ITGB6: variants seen among roughly 807,000 people sequenced by gnomAD.
ITGB6 encodes integrin subunit beta 6.
Under a neutral mutation model 84.5 loss-of-function variants are expected in ITGB6, and 80 were observed. That is an observed-to-expected ratio of 0.95 (90% CI 0.79 to 1.14). ITGB6 has a LOEUF of 1.14. Ranked by LOEUF, ITGB6 falls within the 50% of genes most tolerant of loss-of-function variation. ITGB6 has a pLI of 0.00. For synonymous variants in ITGB6, 383 were observed against 354.9 expected, an observed-to-expected ratio of 1.08 and a Z score of -0.89; for missense variants, 1,006 against 968.0, an observed-to-expected ratio of 1.04 and a Z score of -0.52.
Position 160,159,589 on chromosome 2 carries a change from G to A in ITGB6, c.1017+9623C>T, listed in dbSNP as rs867594408. Among the ~76,000 whole-genome samples the A allele has an allele frequency of 3.3e-4, 50 of 152,016 alleles. 1 individual carries two copies. Among genetic ancestry groups the A allele is most frequent in the Non-Finnish European group, 1.9e-4 (13 of 67,972 alleles). ...GGTCTGGTTTCTGCCTACCTCTCCCGCTCCATCTCCTTCTACCCCTACTCA... is the reference window on the plus strand; with the variant it reads ...GGTCTGGTTTCTGCCTACCTCTCCCACTCCATCTCCTTCTACCCCTACTCA... On this transcript the variant is annotated intron_variant, in intron 7 of 14. Coordinates refer to ENST00000283249, the MANE Select transcript of ITGB6 (RefSeq NM_000888.5).
At chr2:160,172,753 G>C in intron 5 of ITGB6, 23 bp from the exon 6 acceptor site, 1 of 1,576,764 alleles carries the variant, frequency 6.3e-7, no homozygotes, top group Non-Finnish European at 8.7e-7. Flanking sequence ...AGAAACATTT[G>C]TGTGATATTG....
intron 8 of ITGB6, among the ~76,000 whole-genome samples, chr2:160,138,801 C>G (rs1479199704): frequency 1.3e-5 from 2 of 152,182 alleles, no homozygotes; most frequent in Non-Finnish European, 2.9e-5. Flanking sequence ...CTTTTCATCT[C>G]AATATCAAAT....
chr2:160,190,589 C>A (rs1317766686), intron 4 of ITGB6, among the ~76,000 whole-genome samples: 1 of 152,152 alleles, frequency 6.6e-6, no homozygotes, highest in Non-Finnish European at 1.5e-5. Flanking sequence ...TCTTTTTCTT[C>A]CAAATATACT....
At chr2:160,127,123 C>T (rs930064306) in intron 10 of ITGB6, among the ~76,000 whole-genome samples, 8 of 152,130 alleles carry the variant, frequency 5.3e-5, no homozygotes, top group Non-Finnish European at 8.8e-5. Context: ...AAGTATTTTA[C>T]CCCAAAATAT....
intron 10 of ITGB6, among the ~76,000 whole-genome samples, chr2:160,131,898 A>G (rs1683483768): frequency 6.6e-6 from 1 of 152,194 alleles, no homozygotes. Flanking sequence ...ATGGTAAAAA[A>G]TAAAGCGAAA....
chr2:160,146,582 C>T (rs928801109), intron 7 of ITGB6, among the ~76,000 whole-genome samples: 18 of 152,112 alleles, frequency 1.2e-4, no homozygotes, highest in African/African-American at 4.3e-4. Flanking sequence ...ATAATCTGCT[C>T]ACAAATTTCT....
intron 4 of ITGB6, among the ~76,000 whole-genome samples, chr2:160,178,633 T>C (rs569801113): frequency 1.3e-5 from 2 of 151,892 alleles, no homozygotes; most frequent in Non-Finnish European, 2.9e-5. Flanking sequence ...ATATTGCCCA[T>C]GTTTTGATCA....
intron 7 of ITGB6, among the ~76,000 whole-genome samples, chr2:160,159,695 G>A (rs76311374): frequency 1.8e-3 from 281 of 152,008 alleles, no homozygotes; most frequent in African/African-American, 6.0e-3. Context: ...CTTTGCACAC[G>A]CCTTTGCCTC....
chr2:160,126,497 C>A lies in ITGB6; in HGVS notation c.1765G>T (p.Val589Leu). The change falls in exon 11 of 15, where the codon GTG (valine) becomes TTG (leucine). Residue 589 changes from valine (V) to leucine (L), a missense_variant. Val to Leu is a conservative substitution (Grantham distance 32, BLOSUM62 1). Coordinates refer to ENST00000283249, the MANE Select transcript of ITGB6 (RefSeq NM_000888.5). ...CAGTCCCCGCGCCCGCTGCAGAGCA[C>A]TCCATCTTCAGAGACGCAGGAGTCC... ...STDSCVSEDG[V>L]LCSGRGDCVC... The A allele has an allele frequency of 6.2e-7, 1 of 1,614,234 alleles. No homozygotes were observed. The highest frequency in any genetic ancestry group is 8.5e-7 in the Non-Finnish European group (1 of 1,180,040).
At chr2:160,158,123 T>C (rs2105848447) in intron 7 of ITGB6, among the ~76,000 whole-genome samples, 1 of 152,196 alleles carries the variant, frequency 6.6e-6, no homozygotes. Context: ...GCATGATATC[T>C]GCTTTGCCTT....
chr2:160,128,120 C>A lies in ITGB6; in HGVS notation c.1661-1519G>T, dbSNP rs185969493. On this transcript the variant is annotated intron_variant, in intron 10 of 14. Transcript: ENST00000283249. ...GATATAAAATTAAATAAGACAAGGT[C>A]ATTGAACTTATAATTTAGTATAGGA... Among the ~76,000 whole-genome samples the A allele has an allele frequency of 4.6e-4, 70 of 152,204 alleles. No individual in the cohort carries two copies. The Middle Eastern group carries it at 0.027, about 59-fold the overall frequency.
intron 2 of ITGB6, among the ~76,000 whole-genome samples, chr2:160,198,875 A>G (rs1429451374): frequency 6.6e-6 from 1 of 152,232 alleles, no homozygotes; most frequent in African/African-American, 2.4e-5. Context: ...GACAGCCTCC[A>G]TATTTTACAT....
At chr2:160,169,860 C>T (rs995474983) in intron 6 of ITGB6, among the ~76,000 whole-genome samples, 1 of 152,156 alleles carries the variant, frequency 6.6e-6, no homozygotes. Context: ...AAGTTGGTTG[C>T]ATGGAATCGT....
intron 4 of ITGB6, among the ~76,000 whole-genome samples, chr2:160,187,524 T>A (rs1041953824): frequency 1.3e-5 from 2 of 152,190 alleles, no homozygotes; most frequent in African/African-American, 4.8e-5. Flanking sequence ...TCCAACTATA[T>A]GTTTACATGA....
At chr2:160,140,991 C>T (rs1298766522) in intron 8 of ITGB6, among the ~76,000 whole-genome samples, 2 of 151,956 alleles carry the variant, frequency 1.3e-5, no homozygotes, top group African/African-American at 4.8e-5. Flanking sequence ...AAAAACTTTC[C>T]GTGTTGATTC....
At chr2:160,174,269 G>A in intron 4 of ITGB6, 130 bp from the exon 5 acceptor site, 1 of 658,160 alleles carries the variant, frequency 1.5e-6, no homozygotes, top group Non-Finnish European at 2.5e-6. Context: ...CTGCAACTCA[G>A]CTATGAATCT....
intron 10 of ITGB6, among the ~76,000 whole-genome samples, chr2:160,131,336 G>A (rs962841612): frequency 6.6e-6 from 1 of 152,160 alleles, no homozygotes; most frequent in African/African-American, 2.4e-5. Context: ...ATCTTTGAGT[G>A]CTTACAGATG....
At chr2:160,177,479 G>T (rs909172348) in intron 4 of ITGB6, among the ~76,000 whole-genome samples, 4 of 151,840 alleles carry the variant, frequency 2.6e-5, no homozygotes, top group Non-Finnish European at 4.4e-5. Context: ...GCTGAGTCAG[G>T]AGAATGGCGT....
intron 7 of ITGB6, among the ~76,000 whole-genome samples, chr2:160,157,328 A>G (rs1684660532): frequency 6.6e-6 from 1 of 152,194 alleles, no homozygotes; most frequent in African/African-American, 2.4e-5. Flanking sequence ...GATTCAAACC[A>G]TAACACTGCA....
Sources: gnomAD v4.1 joint callset for allele counts (sites outside exome capture counted in the v4.1 genomes callset) on GRCh38, gnomAD v4.1.1 for gene constraint, MANE v1.5 for transcripts, NCBI Gene and HGNC (gene_info 2026-07-23, HGNC 2026-07-21) for gene names.